The following RBFOX3 variants were observed in gnomAD, a reference collection of about 807,000 sequenced individuals.
RBFOX3 encodes the protein RNA binding fox-1 homolog 3.
RBFOX3 carries 17 observed loss-of-function variants against 48.7 expected under a neutral mutation model. The observed-to-expected ratio is 0.35, with a 90% CI of 0.24 to 0.52. The LOEUF (loss-of-function observed/expected upper bound fraction) is 0.52, where lower values mean the gene tolerates loss of function less well. Ranked by LOEUF, RBFOX3 falls within the 20% of genes least tolerant of loss-of-function variation. RBFOX3 has a pLI of 0.94. For synonymous variants in RBFOX3, 212 were observed against 209.5 expected, an observed-to-expected ratio of 1.01 and a Z score of -0.10; for missense variants, 382 against 497.5, an observed-to-expected ratio of 0.77 and a Z score of 2.21.
At chr17:79,555,307 GTA>G (rs2091546647) in intron 1 of RBFOX3, among the ~76,000 whole-genome samples, 4 of 33,188 alleles carry the variant, frequency 1.2e-4, no homozygotes, top group Admixed American at 3.2e-4. Flanking sequence ...GGTGATGATG[GTA>G]GTTGTGGTGG....
At chr17:79,147,472 T>G (rs1290594036) in intron 4 of RBFOX3, among the ~76,000 whole-genome samples, 2 of 152,202 alleles carry the variant, frequency 1.3e-5, no homozygotes, top group African/African-American at 4.8e-5. Context: ...TGGCCCATGC[T>G]GTGCGCCAGA....
At chr17:79,263,877 T>C (rs1452726753) in intron 3 of RBFOX3, among the ~76,000 whole-genome samples, 2 of 151,998 alleles carry the variant, frequency 1.3e-5, no homozygotes, top group Admixed American at 1.3e-4. Context: ...TGAAGGATGA[T>C]AAAATGAGAT....
intron 4 of RBFOX3, among the ~76,000 whole-genome samples, chr17:79,207,934 C>G (rs2057743058): frequency 6.6e-6 from 1 of 152,168 alleles, no homozygotes; most frequent in African/African-American, 2.4e-5. Flanking sequence ...TGTTTTGGCC[C>G]TTTCTTTTAA....
intron 4 of RBFOX3, among the ~76,000 whole-genome samples, chr17:79,123,075 G>C (rs918698789): frequency 6.6e-6 from 1 of 152,070 alleles, no homozygotes; most frequent in African/African-American, 2.4e-5. Context: ...GGGGGGTGTG[G>C]GCTGGGGGAA....
At chr17:79,447,103 C>A (rs942115297) in intron 2 of RBFOX3, among the ~76,000 whole-genome samples, 1 of 152,248 alleles carries the variant, frequency 6.6e-6, no homozygotes, top group South Asian at 2.1e-4. Context: ...CAAGCTTGGA[C>A]GTGCAGTCCC....
chr17:79,174,066 G>A (rs571535199), intron 4 of RBFOX3, among the ~76,000 whole-genome samples: 1 of 152,242 alleles, frequency 6.6e-6, no homozygotes, highest in South Asian at 2.1e-4. Flanking sequence ...GAGACACAGA[G>A]GAAAACGGCG....
intron 2 of RBFOX3, among the ~76,000 whole-genome samples, chr17:79,467,872 C>T (rs2076523046): frequency 6.6e-6 from 1 of 152,002 alleles, no homozygotes; most frequent in African/African-American, 2.4e-5. Flanking sequence ...CCTCTGCTTG[C>T]CCCCTCCCAC....
chr17:79,311,560 T>C lies in RBFOX3; in HGVS notation c.-174-3736A>G, dbSNP rs2076862928. Among the ~76,000 whole-genome samples, 3 of 152,168 alleles carry C rather than the reference T, an allele frequency of 2.0e-5. No individual in the cohort carries two copies. Among genetic ancestry groups the C allele is most frequent in the African/African-American group, 7.2e-5 (3 of 41,430 alleles). The stretch of plus-strand genomic sequence containing the variant: ...TAACATGACCTAATTCCTTAAAATC[T>C]GTCTGTCCTATCTGTCAATCAATCA... On this transcript the variant is annotated intron_variant, in intron 2 of 14. Transcript: ENST00000693108. The surrounding 1 kb of genome is among the most constrained non-coding windows in gnomAD (Gnocchi z 4.2).
Position 79,103,609 on chromosome 17 carries a change from G to T in RBFOX3, c.415-355C>A, listed in dbSNP as rs990796446. On this transcript the variant is annotated intron_variant, in intron 7 of 14. Coordinates refer to ENST00000693108, the MANE Select transcript of RBFOX3 (RefSeq NM_001350451.2). This position sits in a 1 kb window ranked among gnomAD's most constrained non-coding sequence, Gnocchi z 6.1. ...CCCTGAACCCCACCTTGGGGTAGGG[G>T]GCCCAGGCTGGGCTTCAGGACCTGC... 2.4e-4 allele frequency among the ~76,000 whole-genome samples: 37 copies of T among 152,128 alleles called. No individual in the cohort carries two copies. Among genetic ancestry groups the T allele is most frequent in the African/African-American group, 8.4e-4 (35 of 41,424 alleles).
chr17:79,409,781 G>A (rs576002159), intron 2 of RBFOX3, among the ~76,000 whole-genome samples: 117 of 152,344 alleles, frequency 7.7e-4, no homozygotes, highest in Non-Finnish European at 1.0e-3. Flanking sequence ...ATGGGGTCAG[G>A]CTGGGGGATG....
chr17:79,256,684 G>A (rs554864330), intron 3 of RBFOX3, among the ~76,000 whole-genome samples: 40 of 152,232 alleles, frequency 2.6e-4, no homozygotes, highest in Admixed American at 7.2e-4. Flanking sequence ...TTGGGAGGCC[G>A]AGGCAGGTGG....
At chr17:79,152,635 C>A (rs1473306261) in intron 4 of RBFOX3, among the ~76,000 whole-genome samples, 1 of 152,144 alleles carries the variant, frequency 6.6e-6, no homozygotes, top group East Asian at 1.9e-4. Flanking sequence ...GTGGAGGGTC[C>A]CCAGAAGGAG....
chr17:79,332,520 G>A (rs1201502344), intron 2 of RBFOX3, among the ~76,000 whole-genome samples: 1 of 152,122 alleles, frequency 6.6e-6, no homozygotes, highest in East Asian at 1.9e-4. Flanking sequence ...GGGAGCACAT[G>A]AGTGAGGGGC....
chr17:79,330,068 A>G (rs1372503058), intron 2 of RBFOX3, among the ~76,000 whole-genome samples: 2 of 152,092 alleles, frequency 1.3e-5, no homozygotes, highest in East Asian at 3.9e-4. Context: ...GGGCAGAAAA[A>G]CTGACCATCA....
rs2078707037 is a variant in RBFOX3, at chr17:79,481,069, G to A, written c.-175+1385C>T. Among the ~76,000 whole-genome samples the A allele has an allele frequency of 1.3e-5, 2 of 152,192 alleles. No individual in the cohort carries two copies. The highest frequency in any genetic ancestry group is 4.8e-5 in the African/African-American group (2 of 41,444). On this transcript the variant is annotated intron_variant, in intron 2 of 14. Transcript: ENST00000693108. The surrounding 1 kb of genome is among the most constrained non-coding windows in gnomAD (Gnocchi z 5.4). ...AGAAGAGCACCCATGGCCTTCACCA[G>A]AGAGAAGCAAGCAGTGCACGCCTGG... is the stretch of plus-strand genomic sequence containing the variant.
intron 2 of RBFOX3, among the ~76,000 whole-genome samples, chr17:79,385,567 T>C (rs2060455675): frequency 6.6e-6 from 1 of 152,106 alleles, no homozygotes; most frequent in Admixed American, 6.5e-5. Flanking sequence ...CTGAGAACTC[T>C]CAGTGAGTCA....
intron 1 of RBFOX3, among the ~76,000 whole-genome samples, chr17:79,572,724 G>GAGC (rs2092721396): frequency 6.6e-6 from 1 of 152,224 alleles, no homozygotes; most frequent in Non-Finnish European, 1.5e-5. Flanking sequence ...TTGCAAACGT[G>GAGC]CGTGTTTCCC....
At chr17:79,380,003 C>T (rs2059697753) in intron 2 of RBFOX3, among the ~76,000 whole-genome samples, 1 of 152,154 alleles carries the variant, frequency 6.6e-6, no homozygotes, top group Admixed American at 6.5e-5. Context: ...TGTTCTGCTT[C>T]TCTTCCAAAT....
rs2083587655 is a variant in RBFOX3, at chr17:79,508,771, C to T, written c.-319-26173G>A. ...CACACACCCCGCACACCCCACACACCTGCTGCTGCCAGCACAGCCATGTGT... is the reference window on the plus strand; with the variant it reads ...CACACACCCCGCACACCCCACACACTTGCTGCTGCCAGCACAGCCATGTGT... On this transcript the variant is annotated intron_variant, in intron 1 of 14. Coordinates refer to ENST00000693108, the MANE Select transcript of RBFOX3 (RefSeq NM_001350451.2). The T allele has an allele frequency of 2.6e-5, 4 of 152,558 alleles. No individual in the cohort carries two copies. The South Asian group carries it at 8.3e-4, about 32-fold the overall frequency. 9.5% of individuals were successfully genotyped at this position (152,558 alleles called of 1,614,324 possible).
Sources: gnomAD v4.1 joint callset for allele counts (sites outside exome capture counted in the v4.1 genomes callset) on GRCh38, gnomAD v4.1.1 for gene constraint, Gnocchi (gnomAD v3.1) non-coding constraint, MANE v1.5 for transcripts, NCBI Gene and HGNC (gene_info 2026-07-23, HGNC 2026-07-21) for gene names.